The following GRIA4 variants were observed in gnomAD, a reference collection of about 807,000 sequenced individuals.
GRIA4 encodes glutamate receptor 4.
GRIA4 carries 34 observed loss-of-function variants against 104.0 expected under a neutral mutation model. That is an observed-to-expected ratio of 0.33 (90% CI 0.25 to 0.44). The LOEUF (loss-of-function observed/expected upper bound fraction) is 0.44, where lower values mean the gene tolerates loss of function less well. Among genes scored for constraint, GRIA4 ranks in the 20% least tolerant of loss-of-function variants. The pLI is 1.00. For synonymous variants in GRIA4, 386 were observed against 381.9 expected, an observed-to-expected ratio of 1.01 and a Z score of -0.13; for missense variants, 750 against 1,096.5, an observed-to-expected ratio of 0.68 and a Z score of 4.46.
chr11:105,673,379 C>G (rs1942968), intron 3 of GRIA4, among the ~76,000 whole-genome samples: 148,672 of 152,182 alleles, frequency 0.98, 72,694 homozygotes, highest in Non-Finnish European at 1. Context: ...GTAACATAAA[C>G]AGTCATGTAG....
intron 3 of GRIA4, among the ~76,000 whole-genome samples, chr11:105,668,668 A>ATTT (rs1952254666): frequency 1.0e-5 from 1 of 100,188 alleles, no homozygotes; most frequent in Non-Finnish European, 1.9e-5. Context: ...AACACTTATT[A>ATTT]TCTTTTGTCT....
chr11:105,740,167 A>T (rs1371370862), intron 3 of GRIA4, among the ~76,000 whole-genome samples: 1 of 152,244 alleles, frequency 6.6e-6, no homozygotes, highest in African/African-American at 2.4e-5. Context: ...ATTGTTAAAC[A>T]ATTAATATAT....
chr11:105,808,739 T>C (rs1449974635), intron 4 of GRIA4, among the ~76,000 whole-genome samples: 2 of 152,070 alleles, frequency 1.3e-5, no homozygotes, highest in East Asian at 3.8e-4. Context: ...AAAGTGCAGA[T>C]TCAATCTATA....
At chr11:105,968,055 A>G (rs1858484030) in intron 14 of GRIA4, among the ~76,000 whole-genome samples, 1 of 152,236 alleles carries the variant, frequency 6.6e-6, no homozygotes, top group African/African-American at 2.4e-5. Flanking sequence ...GAAAAGACCA[A>G]TGCTGCCAAT....
chr11:105,704,964 G>T (rs1171983938), intron 3 of GRIA4, among the ~76,000 whole-genome samples: 1 of 152,044 alleles, frequency 6.6e-6, no homozygotes, highest in East Asian at 1.9e-4. Context: ...TAAAACACTG[G>T]AGAAGAAAAC....
intron 4 of GRIA4, among the ~76,000 whole-genome samples, chr11:105,847,987 A>C (rs1056004818): frequency 6.6e-6 from 1 of 152,342 alleles, no homozygotes; most frequent in South Asian, 2.1e-4. Flanking sequence ...ATTTTGTGGA[A>C]TTAACCAATT....
chr11:105,732,578 T>C (rs1249600120), intron 3 of GRIA4, among the ~76,000 whole-genome samples: 2 of 152,162 alleles, frequency 1.3e-5, no homozygotes, highest in Non-Finnish European at 2.9e-5. Context: ...CCAAAGAAGA[T>C]GTCTTCTTGC....
At chr11:105,768,202 GC>G (rs1941041633) in intron 4 of GRIA4, among the ~76,000 whole-genome samples, 2 of 152,092 alleles carry the variant, frequency 1.3e-5, no homozygotes, top group African/African-American at 2.4e-5. Context: ...GGGACTGCCA[GC>G]CCCAGGAGGT....
chr11:105,888,910 T>C (rs1416823315), intron 6 of GRIA4, among the ~76,000 whole-genome samples: 1 of 152,168 alleles, frequency 6.6e-6, no homozygotes, highest in Non-Finnish European at 1.5e-5. Flanking sequence ...TAGGCTGTTT[T>C]AGTAGAGTGT....
At chr11:105,796,719 A>T (rs1323327706) in intron 4 of GRIA4, among the ~76,000 whole-genome samples, 1 of 152,216 alleles carries the variant, frequency 6.6e-6, no homozygotes, top group Non-Finnish European at 1.5e-5. Flanking sequence ...GTGGCCCCTT[A>T]AGTAAATCCA....
chr11:105,900,972 T>A (rs1045200357), intron 7 of GRIA4, among the ~76,000 whole-genome samples: 11 of 151,940 alleles, frequency 7.2e-5, no homozygotes, highest in African/African-American at 2.4e-4. Context: ...ATATATATAT[T>A]TTGTAAATGT....
At chr11:105,888,632 C>G (rs1946361916) in intron 6 of GRIA4, among the ~76,000 whole-genome samples, 1 of 151,872 alleles carries the variant, frequency 6.6e-6, no homozygotes, top group Admixed American at 6.6e-5. Flanking sequence ...CTATCTTGCG[C>G]TTGAAACAGG....
At chr11:105,814,590 C>T (rs887890447) in intron 4 of GRIA4, among the ~76,000 whole-genome samples, 39 of 151,874 alleles carry the variant, frequency 2.6e-4, no homozygotes, top group Admixed American at 1.0e-3. Flanking sequence ...AATGAGAAAA[C>T]GTATATAAAA....
intron 4 of GRIA4, among the ~76,000 whole-genome samples, chr11:105,838,751 C>G (rs578222818): frequency 2.6e-5 from 4 of 152,230 alleles, no homozygotes; most frequent in Non-Finnish European, 5.9e-5. Flanking sequence ...AGAGCTGACA[C>G]CCATTTGACT....
chr11:105,713,234 T>C (rs1953975659), intron 3 of GRIA4, among the ~76,000 whole-genome samples: 2 of 151,896 alleles, frequency 1.3e-5, no homozygotes, highest in South Asian at 4.2e-4. Context: ...AATACAAAAA[T>C]TAGCTGGGCG....
In GRIA4 at chr11:105,682,810, A is replaced by G. The variant is rs922743675; in HGVS notation, c.248-70171A>G. ...TCTAGGAAATGACAGTTGCCTTTAC[A>G]GTAATGAATGATCTGAACCACAGAT... On this transcript the variant is annotated intron_variant, in intron 3 of 16. Transcript: ENST00000282499. 2.0e-5 allele frequency among the ~76,000 whole-genome samples: 3 copies of G among 152,350 alleles called. No individual in the cohort carries two copies. In the South Asian group the frequency reaches 6.2e-4, roughly 32 times the overall value.
chr11:105,864,353 G>A (rs1178188258), intron 5 of GRIA4, among the ~76,000 whole-genome samples: 10 of 152,100 alleles, frequency 6.6e-5, no homozygotes, highest in East Asian at 3.8e-4. Flanking sequence ...GGGTTTGTAC[G>A]TGTATCTTAA....
chr11:105,801,452 T>A (rs1942717617), intron 4 of GRIA4, among the ~76,000 whole-genome samples: 1 of 152,036 alleles, frequency 6.6e-6, no homozygotes, highest in African/African-American at 2.4e-5. Flanking sequence ...AATATGTTTA[T>A]CTGAAATAAT....
chr11:105,851,165 T>C (rs1944794099), intron 4 of GRIA4, among the ~76,000 whole-genome samples: 2 of 152,172 alleles, frequency 1.3e-5, no homozygotes, highest in Admixed American at 6.6e-5. Flanking sequence ...TTACCTTTAT[T>C]ATTATTAGGC....
Sources: allele counts gnomAD v4.1 joint callset (sites outside exome capture counted in the v4.1 genomes callset), GRCh38; gene constraint gnomAD v4.1.1; transcripts MANE v1.5; gene names NCBI Gene and HGNC (gene_info 2026-07-23, HGNC 2026-07-21).